Variants in DPF3 observed in about 807,000 individuals in gnomAD.
The protein encoded by DPF3 is double PHD fingers 3.
DPF3 carries 18 observed loss-of-function variants against 56.8 expected under a neutral mutation model. The ratio of observed to expected loss-of-function variants is 0.32; its 90% CI spans 0.22 to 0.47. DPF3 has a LOEUF of 0.47. Ranked by LOEUF, DPF3 falls within the 20% of genes least tolerant of loss-of-function variation. DPF3 has a pLI of 1.00. For synonymous variants in DPF3, 188 were observed against 180.2 expected, an observed-to-expected ratio of 1.04 and a Z score of -0.35; for missense variants, 403 against 488.8, an observed-to-expected ratio of 0.82 and a Z score of 1.65.
intron 3 of DPF3, 24 bp from the exon 4 acceptor site, chr14:72,731,958 A>G: frequency 1.3e-6 from 2 of 1,561,612 alleles, no homozygotes; most frequent in Non-Finnish European, 1.7e-6. Context: ...ATAGAAAGGC[A>G]GGTCAGGCCA....
At chr14:72,710,823 C>T (rs1336519171) in intron 6 of DPF3, among the ~76,000 whole-genome samples, 1 of 152,208 alleles carries the variant, frequency 6.6e-6, no homozygotes, top group Non-Finnish European at 1.5e-5. Context: ...GCTTGGTAAA[C>T]TTTCAAGGTA....
intron 7 of DPF3, among the ~76,000 whole-genome samples, chr14:72,687,550 T>A (rs1354638363): frequency 6.6e-6 from 1 of 152,158 alleles, no homozygotes; most frequent in Non-Finnish European, 1.5e-5. Context: ...CTGATTACAT[T>A]TCCATCTTTC....
chr14:72,672,780 C>G (rs1181874174), intron 8 of DPF3, among the ~76,000 whole-genome samples: 4 of 152,192 alleles, frequency 2.6e-5, no homozygotes, highest in Admixed American at 2.6e-4. Flanking sequence ...AAGCTGCCCC[C>G]TCTAACCCAT....
chr14:72,802,066 GAGTGGCACCAACA>G (rs985089885), intron 1 of DPF3, among the ~76,000 whole-genome samples: 1 of 152,218 alleles, frequency 6.6e-6, no homozygotes, highest in African/African-American at 2.4e-5. Flanking sequence ...GTAGCAAAGA[GAGTGGCACCAACA>G]AGTGGCACCA....
intron 2 of DPF3, among the ~76,000 whole-genome samples, chr14:72,756,204 A>G (rs369943051): frequency 6.6e-6 from 1 of 152,174 alleles, no homozygotes; most frequent in Admixed American, 6.5e-5. Flanking sequence ...CACATACCCC[A>G]CTGAGCAAAC....
At chr14:72,648,873 C>T (rs145775305) in intron 8 of DPF3, among the ~76,000 whole-genome samples, 81 of 152,256 alleles carry the variant, frequency 5.3e-4, no homozygotes, top group African/African-American at 1.9e-3. Context: ...CCAAGCATCC[C>T]CCTCTGTTGA....
chr14:72,623,698 C>T (rs1884613038), intron 9 of DPF3, among the ~76,000 whole-genome samples: 1 of 152,174 alleles, frequency 6.6e-6, no homozygotes. Flanking sequence ...CTGGATGCAT[C>T]AGTATAAATT....
intron 2 of DPF3, among the ~76,000 whole-genome samples, chr14:72,764,400 G>A (rs1225549623): frequency 6.7e-6 from 1 of 148,678 alleles, no homozygotes; most frequent in South Asian, 2.1e-4. Context: ...ACCTTGCCCC[G>A]TGTACCTCTT....
At chr14:72,708,545 C>T (rs56372934) in intron 6 of DPF3, among the ~76,000 whole-genome samples, 1 of 152,290 alleles carries the variant, frequency 6.6e-6, no homozygotes, top group African/African-American at 2.4e-5. Context: ...CAGCTTGAAG[C>T]GAAAAGCACG....
chr14:72,645,425 C>T (rs928008617), intron 8 of DPF3, among the ~76,000 whole-genome samples: 21 of 152,006 alleles, frequency 1.4e-4, no homozygotes, highest in Admixed American at 1.3e-4. Context: ...TCAGCATCCA[C>T]GTCCCCCTAC....
At chr14:72,630,672 C>T (rs1408284689) in intron 8 of DPF3, among the ~76,000 whole-genome samples, 1 of 152,094 alleles carries the variant, frequency 6.6e-6, no homozygotes, top group African/African-American at 2.4e-5. Context: ...GATGACATTC[C>T]CAAGTCGCCC....
intron 7 of DPF3, among the ~76,000 whole-genome samples, chr14:72,685,951 G>A (rs1029976188): frequency 6.6e-6 from 1 of 152,186 alleles, no homozygotes; most frequent in African/African-American, 2.4e-5. Context: ...GCTTTCTCTG[G>A]CTGGGTTTTA....
chr14:72,861,379 A>T (rs74879086), intron 1 of DPF3, among the ~76,000 whole-genome samples: 245 of 152,260 alleles, frequency 1.6e-3, no homozygotes, highest in African/African-American at 5.5e-3. Flanking sequence ...GTATGTACTC[A>T]CCGCTAATTC....
chr14:72,835,447 G>A (rs996123221), intron 1 of DPF3, among the ~76,000 whole-genome samples: 1 of 152,124 alleles, frequency 6.6e-6, no homozygotes, highest in Non-Finnish European at 1.5e-5. Context: ...ACTGAATTAC[G>A]CACTTTCAAA....
At chr14:72,766,810 C>T (rs1243809419) in intron 2 of DPF3, among the ~76,000 whole-genome samples, 2 of 152,108 alleles carry the variant, frequency 1.3e-5, no homozygotes, top group African/African-American at 4.8e-5. Flanking sequence ...AAGCTGATAA[C>T]CCAGAAACAC....
chr14:72,692,996 T>C, intron 7 of DPF3, 80 bp downstream of exon 7: 1 of 1,579,622 alleles, frequency 6.3e-7, no homozygotes, highest in Non-Finnish European at 8.6e-7. Flanking sequence ...ATGCCAGCAG[T>C]GAGAAAAAGG....
intron 1 of DPF3, among the ~76,000 whole-genome samples, chr14:72,801,668 A>T (rs1407043796): frequency 2.6e-5 from 4 of 152,206 alleles, no homozygotes; most frequent in Admixed American, 2.6e-4. Flanking sequence ...AGGTGGGTTC[A>T]GCTCTCACTT....
chr14:72,812,691 G>A (rs1450829477), intron 1 of DPF3, among the ~76,000 whole-genome samples: 1 of 152,154 alleles, frequency 6.6e-6, no homozygotes, highest in Admixed American at 6.5e-5. Flanking sequence ...GGGAGAGGGC[G>A]CTCTAGTATG....
At chr14:72,631,464 G>A (rs550983610) in intron 8 of DPF3, among the ~76,000 whole-genome samples, 2 of 152,296 alleles carry the variant, frequency 1.3e-5, no homozygotes, top group African/African-American at 4.8e-5. Flanking sequence ...TGGGTACAGG[G>A]TAGGAAATAT....
Sources: gnomAD v4.1 joint callset for allele counts (sites outside exome capture counted in the v4.1 genomes callset) on GRCh38, gnomAD v4.1.1 for gene constraint, MANE v1.5 for transcripts, NCBI Gene and HGNC (gene_info 2026-07-23, HGNC 2026-07-21) for gene names.